Variants in TOX observed in about 807,000 individuals in gnomAD.
TOX encodes thymocyte selection-associated high mobility group box protein TOX.
TOX carries 11 observed loss-of-function variants against 53.7 expected under a neutral mutation model. The observed-to-expected ratio is 0.20, with a 90% CI of 0.13 to 0.34. TOX has a LOEUF of 0.34. TOX is among the 10% of genes least tolerant of loss of function. The pLI, the probability that TOX is intolerant of heterozygous loss-of-function variation, is 1.00. For synonymous variants in TOX, 225 were observed against 245.3 expected (o/e 0.92, Z 0.77); for missense variants, 570 against 664.6 (o/e 0.86, Z 1.56).
chr8:58,876,266 C>T (rs1172759022), intron 3 of TOX, among the ~76,000 whole-genome samples: 1 of 151,862 alleles, frequency 6.6e-6, no homozygotes, highest in Non-Finnish European at 1.5e-5. Flanking sequence ...AAACTGTATA[C>T]ACATTTTTTT....
At position 58,958,545 on chromosome 8, in the gene TOX, G is replaced by C. The variant is rs1466022752; in HGVS notation, c.168+1398C>G. 2.6e-5 allele frequency among the ~76,000 whole-genome samples: 4 copies of C among 152,162 alleles called. No individual in the cohort carries two copies. The South Asian group carries it at 8.3e-4, about 31-fold the overall frequency. Reference sequence around the variant, plus strand: ...TGTCAGTACAGTTTTGGGATTGATGGTTAGAAGAAAATTAATAGTAACATT... The same window carrying C: ...TGTCAGTACAGTTTTGGGATTGATGCTTAGAAGAAAATTAATAGTAACATT... On this transcript the variant is annotated intron_variant, in intron 2 of 8. Coordinates refer to ENST00000361421, the MANE Select transcript of TOX (RefSeq NM_014729.3).
chr8:59,102,302 ACTGCAACCTCTACCTC>A (rs1172196301), intron 1 of TOX, among the ~76,000 whole-genome samples: 1 of 152,110 alleles, frequency 6.6e-6, no homozygotes, highest in Non-Finnish European at 1.5e-5. Flanking sequence ...ATCTCCACTC[ACTGCAACCTCTACCTC>A]CTGGGTTCAA....
intron 1 of TOX, among the ~76,000 whole-genome samples, chr8:59,105,295 C>T (rs1804881591): frequency 6.6e-6 from 1 of 152,144 alleles, no homozygotes; most frequent in South Asian, 2.1e-4. Flanking sequence ...GAAATGTTCT[C>T]TGCTTGATAA....
intron 1 of TOX, among the ~76,000 whole-genome samples, chr8:59,074,999 C>T (rs560952660): frequency 4.6e-5 from 7 of 152,266 alleles, no homozygotes; most frequent in South Asian, 2.1e-4. Flanking sequence ...CAAAGTCTTT[C>T]GTAGTGACAC....
At chr8:59,110,218 A>G (rs1804988822) in intron 1 of TOX, among the ~76,000 whole-genome samples, 1 of 152,136 alleles carries the variant, frequency 6.6e-6, no homozygotes, top group African/African-American at 2.4e-5. Flanking sequence ...AGCTTCTACT[A>G]TCTGCAGGTT....
chr8:59,114,662 T>C (rs937923848), intron 1 of TOX, among the ~76,000 whole-genome samples: 2 of 152,174 alleles, frequency 1.3e-5, no homozygotes, highest in East Asian at 3.9e-4. Context: ...TGCTCTAAAC[T>C]GCTTATAACC....
intron 1 of TOX, among the ~76,000 whole-genome samples, chr8:59,065,318 G>C (rs1480906288): frequency 1.3e-5 from 2 of 152,170 alleles, no homozygotes; most frequent in African/African-American, 4.8e-5. Flanking sequence ...AGAATGGTTA[G>C]AATAAATGTG....
chr8:58,831,067 C>G (rs766472108), intron 5 of TOX, among the ~76,000 whole-genome samples: 1 of 152,138 alleles, frequency 6.6e-6, no homozygotes, highest in East Asian at 1.9e-4. Flanking sequence ...AAGGCCTTCA[C>G]AAAGTGGTAT....
chr8:59,006,966 T>C (rs1813800769), intron 1 of TOX, among the ~76,000 whole-genome samples: 1 of 152,208 alleles, frequency 6.6e-6, no homozygotes. Context: ...CCATAAAGAA[T>C]AATGCTGAAT....
chr8:58,998,515 A>AAATT (rs1563413336), intron 1 of TOX, among the ~76,000 whole-genome samples: 3 of 80,766 alleles, frequency 3.7e-5, no homozygotes, highest in Admixed American at 1.2e-4. Flanking sequence ...ATATATATAT[A>AAATT]TATATATATA....
At chr8:58,832,476 T>C (rs1394445004) in intron 5 of TOX, among the ~76,000 whole-genome samples, 1 of 152,136 alleles carries the variant, frequency 6.6e-6, no homozygotes, top group African/African-American at 2.4e-5. Flanking sequence ...TAAGTATTGT[T>C]GACATAAAAA....
chr8:58,832,762 C>A (rs1301963106), intron 5 of TOX, among the ~76,000 whole-genome samples: 2 of 152,130 alleles, frequency 1.3e-5, no homozygotes, highest in African/African-American at 4.8e-5. Context: ...TTACATTCTT[C>A]CCACTTGTGT....
At chr8:59,064,748 C>A (rs930172048) in intron 1 of TOX, among the ~76,000 whole-genome samples, 1 of 152,094 alleles carries the variant, frequency 6.6e-6, no homozygotes, top group Non-Finnish European at 1.5e-5. Context: ...TACATTTTCT[C>A]TCTGATTTCC....
At chr8:59,095,608 C>A (rs1804700760) in intron 1 of TOX, among the ~76,000 whole-genome samples, 1 of 152,104 alleles carries the variant, frequency 6.6e-6, no homozygotes, top group Admixed American at 6.6e-5. Flanking sequence ...CCATGTTGGC[C>A]AGGCTGGTCT....
intron 1 of TOX, among the ~76,000 whole-genome samples, chr8:59,051,573 C>G (rs528017075): frequency 1.3e-5 from 2 of 152,098 alleles, no homozygotes; most frequent in African/African-American, 4.8e-5. Flanking sequence ...AAAGACACCA[C>G]ACTAGAAACT....
At chr8:59,069,633 G>A (rs1324692037) in intron 1 of TOX, among the ~76,000 whole-genome samples, 1 of 151,942 alleles carries the variant, frequency 6.6e-6, no homozygotes, top group Non-Finnish European at 1.5e-5. Flanking sequence ...CACACCTTTG[G>A]CAGGCTCAGC....
In TOX at chr8:58,835,208, C is replaced by G. The variant is rs575488946; in HGVS notation, c.924+2873G>C. Among the ~76,000 whole-genome samples, 166 of 152,044 alleles carry G rather than the reference C, an allele frequency of 1.1e-3. 1 individual carries two copies. The highest frequency in any genetic ancestry group is 3.4e-3 in the African/African-American group (141 of 41,460). On this transcript the variant is annotated intron_variant, in intron 5 of 8. Coordinates refer to ENST00000361421, the MANE Select transcript of TOX (RefSeq NM_014729.3). ...AACCCTATTTTCATTGAGAGACAAC[C>G]CAAAGGTAGACTCATTACAAGTTAC...
rs1196053134 is a variant in TOX at position 59,117,932 on chromosome 8, C to T, written c.102+954G>A. Among the ~76,000 whole-genome samples the T allele has an allele frequency of 6.6e-6, 1 of 152,222 alleles. No individual in the cohort carries two copies. The highest frequency in any genetic ancestry group is 2.4e-5 in the African/African-American group (1 of 41,456). ...CCTGCGACCACTCTGGGGGACCGGT[C>T]CCTGCGTGTCCTCCCTCTCTGGGAT... On this transcript the variant is annotated intron_variant, in intron 1 of 8. Coordinates refer to ENST00000361421, the MANE Select transcript of TOX (RefSeq NM_014729.3). The surrounding 1 kb of genome is among the most constrained non-coding windows in gnomAD (Gnocchi z 4.6).
intron 1 of TOX, among the ~76,000 whole-genome samples, chr8:59,050,454 C>A (rs78057611): frequency 6.6e-6 from 1 of 152,064 alleles, no homozygotes; most frequent in Non-Finnish European, 1.5e-5. Flanking sequence ...CGTTTTATTT[C>A]TTTGATCTAG....
Sources: gnomAD v4.1 joint callset for allele counts (sites outside exome capture counted in the v4.1 genomes callset) on GRCh38, gnomAD v4.1.1 for gene constraint, Gnocchi (gnomAD v3.1) non-coding constraint, MANE v1.5 for transcripts, NCBI Gene and HGNC (gene_info 2026-07-23, HGNC 2026-07-21) for gene names.